RB1: variants seen among roughly 807,000 people sequenced by gnomAD.
The protein encoded by RB1 is retinoblastoma-associated protein.
A neutral mutation model predicts 135.4 loss-of-function variants in RB1; 18 were observed. That is an observed-to-expected ratio of 0.13 (90% CI 0.09 to 0.20). The LOEUF (loss-of-function observed/expected upper bound fraction) is 0.20. RB1 is among the 10% of genes least tolerant of loss of function. RB1 has a pLI of 1.00. For missense variants in RB1, 868 were observed against 1,110.0 expected (o/e 0.78, Z 3.10); for synonymous variants, 365 against 373.2 (o/e 0.98, Z 0.25).
At chr13:48,377,930 G>T (rs1952844241) in intron 13 of RB1, among the ~76,000 whole-genome samples, 2 of 152,114 alleles carry the variant, frequency 1.3e-5, no homozygotes, top group Non-Finnish European at 2.9e-5. Flanking sequence ...TACCATTTGT[G>T]TATCTAAATA....
intron 6 of RB1, among the ~76,000 whole-genome samples, chr13:48,355,471 G>A (rs954321272): frequency 1.3e-5 from 2 of 152,100 alleles, no homozygotes; most frequent in Non-Finnish European, 2.9e-5. Flanking sequence ...CTGTTGGTGG[G>A]AATGTAAATT....
At chr13:48,438,920 A>G (rs541177517) in intron 17 of RB1, among the ~76,000 whole-genome samples, 2 of 151,508 alleles carry the variant, frequency 1.3e-5, no homozygotes, top group South Asian at 2.1e-4. Context: ...AGTGGGTACT[A>G]CTATGAATGT....
At chr13:48,367,424 C>A in intron 9 of RB1, 70 bp from the exon 10 acceptor site, 4 of 1,524,578 alleles carry the variant, frequency 2.6e-6, no homozygotes, top group Non-Finnish European at 3.6e-6. Flanking sequence ...TTAATGAAAT[C>A]TGTGCCTCTG....
At chr13:48,398,521 T>A (rs539694930) in intron 17 of RB1, among the ~76,000 whole-genome samples, 35 of 152,146 alleles carry the variant, frequency 2.3e-4, no homozygotes, top group African/African-American at 8.2e-4. Context: ...CTGTAATTTT[T>A]TTTTAAAGCT....
chr13:48,404,084 G>C (rs1948717455), intron 17 of RB1: 1 of 152,160 alleles, frequency 6.6e-6, no homozygotes. Flanking sequence ...CCTAAGCTTG[G>C]TATGCAGAGT....
chr13:48,331,215 C>A (rs1343882847), intron 2 of RB1, among the ~76,000 whole-genome samples: 4 of 152,176 alleles, frequency 2.6e-5, no homozygotes, highest in African/African-American at 9.7e-5. Context: ...CCTTTAAGAT[C>A]AGGATCAAGA....
At chr13:48,454,170 T>C (rs1949346060) in intron 18 of RB1, among the ~76,000 whole-genome samples, 1 of 152,256 alleles carries the variant, frequency 6.6e-6, no homozygotes, top group Non-Finnish European at 1.5e-5. Context: ...ATAACTTGCC[T>C]AAGGTCAATA....
At chr13:48,461,445 G>C (rs1173999725) in intron 20 of RB1, among the ~76,000 whole-genome samples, 1 of 151,970 alleles carries the variant, frequency 6.6e-6, no homozygotes, top group African/African-American at 2.4e-5. Flanking sequence ...TCCACTTTTT[G>C]GCTATTATGA....
At chr13:48,443,576 G>GAA (rs1275591117) in intron 17 of RB1, among the ~76,000 whole-genome samples, 1 of 152,136 alleles carries the variant, frequency 6.6e-6, no homozygotes, top group African/African-American at 2.4e-5. Context: ...CTTTTAAACT[G>GAA]AAAGTACTTT....
chr13:48,474,555 T>C (rs1949492453), intron 24 of RB1, among the ~76,000 whole-genome samples: 1 of 152,170 alleles, frequency 6.6e-6, no homozygotes, highest in South Asian at 2.1e-4. Context: ...TACTCCAAAA[T>C]GTAAGCCCGA....
At chr13:48,384,741 G>T (rs932186776) in intron 17 of RB1, among the ~76,000 whole-genome samples, 1 of 152,152 alleles carries the variant, frequency 6.6e-6, no homozygotes, top group Non-Finnish European at 1.5e-5. Context: ...TATTTTTAAT[G>T]GTTGTGTGGG....
chr13:48,438,247 TCTAA>T (rs1363385435), intron 17 of RB1, among the ~76,000 whole-genome samples: 1 of 152,204 alleles, frequency 6.6e-6, no homozygotes, highest in Non-Finnish European at 1.5e-5. Flanking sequence ...ACATTTATTA[TCTAA>T]CTTAGTTGTC....
intron 2 of RB1, chr13:48,320,141 A>G: frequency 1.2e-6 from 1 of 802,716 alleles, no homozygotes; most frequent in Non-Finnish European, 2.0e-6. Flanking sequence ...AACGGGCCAA[A>G]GTCTGCAGTT....
chr13:48,311,845 A>G (rs1952133375), intron 2 of RB1, among the ~76,000 whole-genome samples: 2 of 152,198 alleles, frequency 1.3e-5, no homozygotes, highest in African/African-American at 4.8e-5. Flanking sequence ...AGCTGGGATT[A>G]TAGGCATGCG....
intron 2 of RB1, among the ~76,000 whole-genome samples, chr13:48,308,820 C>G (rs1004696544): frequency 6.6e-6 from 1 of 151,992 alleles, no homozygotes; most frequent in Non-Finnish European, 1.5e-5. Context: ...ACCAAGGTCC[C>G]TAGGAAATAA....
chr13:48,348,533 A>C (rs1319633285), intron 5 of RB1, among the ~76,000 whole-genome samples: 1 of 151,858 alleles, frequency 6.6e-6, no homozygotes, highest in African/African-American at 2.4e-5. Flanking sequence ...ATAATTAATC[A>C]GAAAAAAGAG....
chr13:48,443,476 G>A (rs1161533833), intron 17 of RB1, among the ~76,000 whole-genome samples: 1 of 151,980 alleles, frequency 6.6e-6, no homozygotes, highest in Non-Finnish European at 1.5e-5. Context: ...TACTAAAATA[G>A]CTAAGTTTTC....
chr13:48,452,936 G>A (rs569118030), intron 17 of RB1, 57 bp from the exon 18 acceptor site: 1 of 1,603,538 alleles, frequency 6.2e-7, no homozygotes, highest in Admixed American at 1.7e-5. Context: ...ATTTTGATAT[G>A]TACCTGGGAA....
chr13:48,343,005 G>A (rs1023165454), intron 3 of RB1, among the ~76,000 whole-genome samples: 1 of 152,054 alleles, frequency 6.6e-6, no homozygotes, highest in African/African-American at 2.4e-5. Context: ...GAACAGAAAA[G>A]CAAGGATTTG....
Sources: gnomAD v4.1 joint callset for allele counts (sites outside exome capture counted in the v4.1 genomes callset) on GRCh38, gnomAD v4.1.1 for gene constraint, MANE v1.5 for transcripts, NCBI Gene and HGNC (gene_info 2026-07-23, HGNC 2026-07-21) for gene names.